Variants in ADAMTS6 observed in about 807,000 individuals in gnomAD.
ADAMTS6 encodes ADAM metallopeptidase with thrombospondin type 1 motif 6.
In ADAMTS6, 23 loss-of-function variants were observed where a neutral mutation model predicts 144.3. The ratio of observed to expected loss-of-function variants is 0.16; its 90% confidence interval spans 0.11 to 0.23. The LOEUF (loss-of-function observed/expected upper bound fraction) is 0.23, where lower values mean the gene tolerates loss of function less well. ADAMTS6 is among the 10% of genes least tolerant of loss of function. The probability of loss-of-function intolerance (pLI) is 1.00; values close to 1 mark genes in which losing one functional copy is unlikely to be tolerated. For missense variants in ADAMTS6, 999 were observed against 1,379.6 expected, an observed-to-expected ratio of 0.72 and a Z score of 4.37; for synonymous variants, 444 against 457.5, an observed-to-expected ratio of 0.97 and a Z score of 0.38.
Position 65,245,164 on chromosome 5 carries a change from GCA to G in ADAMTS6, c.1831-2960_1831-2959del, listed in dbSNP as rs1759520008. Among the ~76,000 whole-genome samples, 4 of 152,190 alleles carry G rather than the reference GCA, an allele frequency of 2.6e-5. No homozygotes were observed. In the South Asian group the frequency reaches 8.3e-4, roughly 32 times the overall value. On this transcript the variant is annotated intron_variant, in intron 14 of 24. Transcript: ENST00000381055. ...GCACTTAATAATTATTAGCAGCTAC[GCA>G]GGTGTCCTTACACTCATTCCTTACT...
chr5:65,372,622 C>A (rs919559446), intron 7 of ADAMTS6, among the ~76,000 whole-genome samples: 6 of 151,650 alleles, frequency 4.0e-5, no homozygotes, highest in East Asian at 1.9e-4. Flanking sequence ...CCTGAGTGAC[C>A]TACAAAGAGA....
intron 24 of ADAMTS6, among the ~76,000 whole-genome samples, chr5:65,168,396 A>G (rs1419021541): frequency 2.0e-5 from 3 of 150,586 alleles, no homozygotes; most frequent in African/African-American, 7.3e-5. Flanking sequence ...GATACAAACA[A>G]ATGGAAGAAC....
chr5:65,465,745 T>C (rs1759946097), intron 3 of ADAMTS6, among the ~76,000 whole-genome samples: 1 of 152,228 alleles, frequency 6.6e-6, no homozygotes, highest in Non-Finnish European at 1.5e-5. Context: ...TCTTGAAATA[T>C]TTCCTTCTGG....
chr5:65,228,592 A>G (rs1757900504), intron 15 of ADAMTS6, among the ~76,000 whole-genome samples: 2 of 152,168 alleles, frequency 1.3e-5, no homozygotes, highest in Non-Finnish European at 1.5e-5. Flanking sequence ...ATTGGAGAAA[A>G]AAAAAAATTC....
intron 16 of ADAMTS6, 31 bp downstream of exon 16, chr5:65,226,054 AC>A (rs768544384): frequency 1.3e-6 from 2 of 1,565,804 alleles, no homozygotes; most frequent in Non-Finnish European, 1.7e-6. Flanking sequence ...AGTCTCAAAA[AC>A]CCCAACAGAA....
intron 14 of ADAMTS6, among the ~76,000 whole-genome samples, chr5:65,243,918 T>C (rs1413616988): frequency 6.6e-6 from 1 of 152,080 alleles, no homozygotes; most frequent in South Asian, 2.1e-4. Context: ...CATCCAAGCA[T>C]GGCTTTCAAC....
intron 15 of ADAMTS6, among the ~76,000 whole-genome samples, chr5:65,227,335 T>A (rs1757801484): frequency 6.6e-6 from 1 of 152,084 alleles, no homozygotes; most frequent in South Asian, 2.1e-4. Flanking sequence ...AGAGTACATA[T>A]CATAACTACA....
chr5:65,309,636 GT>G (rs1744288714), intron 9 of ADAMTS6, among the ~76,000 whole-genome samples: 1 of 151,484 alleles, frequency 6.6e-6, no homozygotes, highest in Admixed American at 6.6e-5. Context: ...TTAAAAGAAA[GT>G]TTCTATATAG....
intron 9 of ADAMTS6, among the ~76,000 whole-genome samples, chr5:65,316,646 A>G (rs2112863295): frequency 6.6e-6 from 1 of 152,328 alleles, no homozygotes; most frequent in East Asian, 1.9e-4. Flanking sequence ...AAGAATTACA[A>G]AAGTTGTAAC....
intron 21 of ADAMTS6, among the ~76,000 whole-genome samples, chr5:65,194,749 T>C (rs922682955): frequency 6.6e-6 from 1 of 152,226 alleles, no homozygotes; most frequent in African/African-American, 2.4e-5. Flanking sequence ...ATTTTTCCCA[T>C]ATTCTCTGTA....
In ADAMTS6 at chr5:65,397,230, G is replaced by C. The variant is rs1023308824; in HGVS notation, c.1073+54245C>G. On this transcript the variant is annotated intron_variant, in intron 7 of 24. Transcript: ENST00000381055. ...GTAATCTGCGTCTTTTTTTTCTTAG[G>C]CTGGGTAAAGGCTTATCAATTTTAT... Among the ~76,000 whole-genome samples the C allele has an allele frequency of 4.0e-5, 6 of 151,622 alleles. No homozygotes were observed. The East Asian group carries it at 9.6e-4, about 24-fold the overall frequency.
At position 65,210,542 on chromosome 5, in the gene ADAMTS6, T is replaced by C. The variant is rs187718874; in HGVS notation, c.2575+4252A>G. On this transcript the variant is annotated intron_variant, in intron 20 of 24. Coordinates refer to ENST00000381055, the MANE Select transcript of ADAMTS6 (RefSeq NM_197941.4). ...GAAAGCATTGATGTTCAACCAGGTG[T>C]CTTTATCTGCTATCTGGATGCAGGC... The C allele has an allele frequency of 3.7e-4, 180 of 491,514 alleles. No homozygotes were observed. The East Asian group carries it at 7.6e-3, about 21-fold the overall frequency. The allele number at this position is 491,514 out of a possible 1,614,324, so 30.4% of individuals were successfully genotyped here. A position where few individuals can be genotyped will look rare whatever the true frequency, so the allele number is the denominator to read the frequency against.
Position 65,210,566 on chromosome 5 carries a change from G to T in ADAMTS6, c.2575+4228C>A, listed in dbSNP as rs957076674. The T allele has an allele frequency of 1.6e-5, 9 of 554,848 alleles. No individual in the cohort carries two copies. In the South Asian group the frequency reaches 1.9e-4, roughly 12 times the overall value. The allele number at this position is 554,848 out of a possible 1,614,324, so 34.4% of individuals were successfully genotyped here. A position where few individuals can be genotyped will look rare whatever the true frequency, so the allele number is the denominator to read the frequency against. On this transcript the variant is annotated intron_variant, in intron 20 of 24. Transcript: ENST00000381055. ...GTCTTTATCTGCTATCTGGATGCAG[G>T]CCTTGCCAGAACTACCACTGGCAAT...
intron 23 of ADAMTS6, among the ~76,000 whole-genome samples, chr5:65,170,979 C>T (rs924717168): frequency 2.0e-5 from 3 of 151,744 alleles, no homozygotes; most frequent in Non-Finnish European, 4.4e-5. Flanking sequence ...GCTGGGATTA[C>T]AGGCATGAGC....
intron 9 of ADAMTS6, among the ~76,000 whole-genome samples, chr5:65,301,423 C>T (rs1242261143): frequency 6.6e-6 from 1 of 152,058 alleles, no homozygotes; most frequent in South Asian, 2.1e-4. Context: ...GAGAAAAAGT[C>T]TGGAAAGGTA....
At chr5:65,427,950 C>T (rs1488371736) in intron 7 of ADAMTS6, among the ~76,000 whole-genome samples, 1 of 151,536 alleles carries the variant, frequency 6.6e-6, no homozygotes, top group Non-Finnish European at 1.5e-5. Flanking sequence ...TAAAGAAGGC[C>T]AGGCACGGCT....
chr5:65,292,198 C>T (rs757382038), intron 10 of ADAMTS6, among the ~76,000 whole-genome samples: 3 of 152,086 alleles, frequency 2.0e-5, no homozygotes, highest in Non-Finnish European at 4.4e-5. Context: ...GACAAAATAC[C>T]TTAGTTTAAA....
chr5:65,219,998 T>C (rs973495411), intron 18 of ADAMTS6, among the ~76,000 whole-genome samples: 3 of 152,136 alleles, frequency 2.0e-5, no homozygotes, highest in African/African-American at 7.2e-5. Flanking sequence ...GTGAAAAAAC[T>C]ATCCAACCAA....
chr5:65,394,527 T>C, intron 7 of ADAMTS6, among the ~76,000 whole-genome samples: 1 of 152,158 alleles, frequency 6.6e-6, no homozygotes, highest in East Asian at 1.9e-4. Flanking sequence ...GCTGGACATG[T>C]CAGCATTCCA....
Sources: gnomAD v4.1 joint callset for allele counts (sites outside exome capture counted in the v4.1 genomes callset) on GRCh38, gnomAD v4.1.1 for gene constraint, MANE v1.5 for transcripts, NCBI Gene and HGNC (gene_info 2026-07-23, HGNC 2026-07-21) for gene names.